GABBR2: variants seen among roughly 807,000 people sequenced by gnomAD.
GABBR2 encodes the protein G-protein coupled receptor 51.
In GABBR2, 23 loss-of-function variants were observed where a neutral mutation model predicts 105.6. The observed-to-expected ratio is 0.22, with a 90% CI of 0.16 to 0.31. GABBR2 has a LOEUF of 0.31. GABBR2 is among the 10% of genes least tolerant of loss of function. The pLI, the probability that GABBR2 is intolerant of heterozygous loss-of-function variation, is 1.00. For synonymous variants in GABBR2, 478 were observed against 499.7 expected (o/e 0.96, Z 0.58); for missense variants, 734 against 1,245.5 (o/e 0.59, Z 6.18).
chr9:98,494,904 CT>C (rs1827247186), intron 4 of GABBR2, among the ~76,000 whole-genome samples: 1 of 152,230 alleles, frequency 6.6e-6, no homozygotes, highest in African/African-American at 2.4e-5. Flanking sequence ...GATGCTGGGC[CT>C]CTGGAGCTCA....
chr9:98,444,631 A>ATAGTTGTTGT (rs1271437140), intron 7 of GABBR2, among the ~76,000 whole-genome samples: 1 of 152,072 alleles, frequency 6.6e-6, no homozygotes, highest in East Asian at 1.9e-4. Context: ...AAGGATTATT[A>ATAGTTGTTGT]TTATTATAGT....
intron 1 of GABBR2, among the ~76,000 whole-genome samples, chr9:98,617,605 ACAGT>A (rs1200688396): frequency 6.6e-6 from 1 of 152,210 alleles, no homozygotes; most frequent in Non-Finnish European, 1.5e-5. Context: ...AACCTCCTGC[ACAGT>A]CAGAGAACTT....
At chr9:98,680,755 C>T (rs889803817) in intron 1 of GABBR2, among the ~76,000 whole-genome samples, 4 of 152,050 alleles carry the variant, frequency 2.6e-5, no homozygotes, top group East Asian at 1.9e-4. Context: ...ATAATATAAA[C>T]GTAAGGTGAC....
intron 2 of GABBR2, among the ~76,000 whole-genome samples, chr9:98,558,875 T>A (rs1474349216): frequency 6.6e-6 from 1 of 152,248 alleles, no homozygotes; most frequent in Non-Finnish European, 1.5e-5. Context: ...TCCAGGGATC[T>A]CAATAGTACA....
intron 1 of GABBR2, among the ~76,000 whole-genome samples, chr9:98,632,437 C>G (rs369859069): frequency 6.6e-6 from 1 of 152,272 alleles, no homozygotes; most frequent in Middle Eastern, 3.4e-3. Context: ...AACATTCCTC[C>G]CCTTGAGTGG....
At chr9:98,475,985 A>C (rs1826785709) in intron 5 of GABBR2, among the ~76,000 whole-genome samples, 1 of 152,074 alleles carries the variant, frequency 6.6e-6, no homozygotes, top group African/African-American at 2.4e-5. Context: ...AATTGCTTGA[A>C]CCTGGGAGGC....
chr9:98,374,640 G>A (rs907738879), intron 11 of GABBR2, among the ~76,000 whole-genome samples: 1 of 152,190 alleles, frequency 6.6e-6, no homozygotes. Flanking sequence ...AACCCTGGGC[G>A]TGTCATCTCT....
chr9:98,562,686 C>T (rs1239076386), intron 2 of GABBR2, among the ~76,000 whole-genome samples: 1 of 152,120 alleles, frequency 6.6e-6, no homozygotes, highest in African/African-American at 2.4e-5. Flanking sequence ...AAATGATGTT[C>T]ATTGTACTTT....
At chr9:98,340,182 G>GTT (rs1564023658) in intron 13 of GABBR2, among the ~76,000 whole-genome samples, 2 of 149,256 alleles carry the variant, frequency 1.3e-5, no homozygotes, top group Non-Finnish European at 1.5e-5. Flanking sequence ...TCCAGTGAGG[G>GTT]GTTTTTTTTT....
chr9:98,382,044 G>C (rs1831986479), intron 11 of GABBR2, among the ~76,000 whole-genome samples: 1 of 152,132 alleles, frequency 6.6e-6, no homozygotes, highest in African/African-American at 2.4e-5. Flanking sequence ...ACTTCTTTCT[G>C]GGAAGGAGAG....
At chr9:98,533,905 A>G (rs1486195985) in intron 3 of GABBR2, among the ~76,000 whole-genome samples, 1 of 152,170 alleles carries the variant, frequency 6.6e-6, no homozygotes, top group Non-Finnish European at 1.5e-5. Flanking sequence ...AAGGGTCTCG[A>G]GCCATGCTAA....
intron 13 of GABBR2, among the ~76,000 whole-genome samples, chr9:98,341,036 G>A (rs75045368): frequency 0.013 from 1,929 of 152,346 alleles, 34 homozygotes; most frequent in African/African-American, 0.044. Flanking sequence ...TCCAGCTTCA[G>A]GGCTGGCCCT....
chr9:98,458,658 T>C (rs1564077222), intron 6 of GABBR2, among the ~76,000 whole-genome samples: 1 of 152,156 alleles, frequency 6.6e-6, no homozygotes. Context: ...TGAGCCGAGA[T>C]TGCATCATTG....
At chr9:98,636,554 C>A (rs1009331751) in intron 1 of GABBR2, among the ~76,000 whole-genome samples, 1 of 123,616 alleles carries the variant, frequency 8.1e-6, no homozygotes, top group Non-Finnish European at 1.6e-5. Context: ...AGTGCAGTGG[C>A]GTGATCTCAG....
intron 1 of GABBR2, among the ~76,000 whole-genome samples, chr9:98,692,168 A>C (rs1184494211): frequency 6.6e-6 from 1 of 152,266 alleles, no homozygotes; most frequent in South Asian, 2.1e-4. Context: ...CTTGCATGTG[A>C]GTGGCCTACA....
At chr9:98,428,748 A>G (rs780360645) in intron 7 of GABBR2, among the ~76,000 whole-genome samples, 14 of 152,216 alleles carry the variant, frequency 9.2e-5, no homozygotes, top group Non-Finnish European at 1.5e-4. Flanking sequence ...TGCTGGTGCT[A>G]TAAGGAAAAT....
intron 2 of GABBR2, among the ~76,000 whole-genome samples, chr9:98,543,838 C>T (rs1365249594): frequency 1.3e-5 from 2 of 151,104 alleles, no homozygotes; most frequent in African/African-American, 2.4e-5. Flanking sequence ...TACTTTGTTT[C>T]TTGATGTTGT....
intron 3 of GABBR2, among the ~76,000 whole-genome samples, chr9:98,509,958 C>T (rs372192650): frequency 6.6e-6 from 1 of 152,086 alleles, no homozygotes; most frequent in Non-Finnish European, 1.5e-5. Context: ...AACTCCAAGA[C>T]ACATAATTGT....
chr9:98,492,553 CT>C (rs1827200279), intron 4 of GABBR2, among the ~76,000 whole-genome samples: 1 of 151,914 alleles, frequency 6.6e-6, no homozygotes, highest in South Asian at 2.1e-4. Flanking sequence ...TTTCCTTAGT[CT>C]TTTTCTCAAA....
Sources: gnomAD v4.1 joint callset for allele counts (sites outside exome capture counted in the v4.1 genomes callset) on GRCh38, gnomAD v4.1.1 for gene constraint, MANE v1.5 for transcripts, NCBI Gene and HGNC (gene_info 2026-07-23, HGNC 2026-07-21) for gene names.